The following ADAM32 variants were observed in gnomAD, a reference collection of about 807,000 sequenced individuals.
ADAM32 encodes the protein ADAM metallopeptidase domain 32, also known as disintegrin and metalloproteinase domain-containing protein 32.
ADAM32 carries 89 observed loss-of-function variants against 114.9 expected under a neutral mutation model. The observed-to-expected ratio is 0.77, with a 90% CI of 0.65 to 0.92. ADAM32 has a LOEUF of 0.92. Among genes scored for constraint, ADAM32 ranks in the 40% least tolerant of loss-of-function variants. The pLI, the probability that ADAM32 is intolerant of heterozygous loss-of-function variation, is 0.00. For synonymous variants in ADAM32, 285 were observed against 307.5 expected, an observed-to-expected ratio of 0.93 and a Z score of 0.77; for missense variants, 870 against 932.8, an observed-to-expected ratio of 0.93 and a Z score of 0.88.
intron 4 of ADAM32, 68 bp downstream of exon 4, chr8:39,147,273 T>A: frequency 1.6e-6 from 1 of 630,590 alleles, no homozygotes; most frequent in Non-Finnish European, 2.2e-6. Context: ...TGCTTTATTA[T>A]ACAGAAGGCT....
chr8:39,216,598 T>C (rs192560803), intron 12 of ADAM32, among the ~76,000 whole-genome samples: 122 of 152,128 alleles, frequency 8.0e-4, no homozygotes, highest in Non-Finnish European at 1.4e-3. Context: ...CTTTTTATTT[T>C]CTGTGTATCT....
intron 22 of ADAM32, among the ~76,000 whole-genome samples, chr8:39,278,668 CA>C (rs1230568394): frequency 1.3e-5 from 2 of 151,450 alleles, no homozygotes; most frequent in Non-Finnish European, 2.9e-5. Context: ...TTATTATAAT[CA>C]TTTTTATATT....
chr8:39,284,143 CTG>C (rs1813627044), intron 24 of ADAM32, among the ~76,000 whole-genome samples: 1 of 151,876 alleles, frequency 6.6e-6, no homozygotes, highest in South Asian at 2.1e-4. Context: ...ATAACTTAGT[CTG>C]TTTTTTTTCA....
chr8:39,204,785 G>C (rs1807707071), intron 11 of ADAM32, among the ~76,000 whole-genome samples: 1 of 152,180 alleles, frequency 6.6e-6, no homozygotes, highest in Non-Finnish European at 1.5e-5. Flanking sequence ...TTTGATAATG[G>C]TGACGTACAG....
At chr8:39,219,036 G>A (rs548238539) in intron 12 of ADAM32, among the ~76,000 whole-genome samples, 9 of 152,172 alleles carry the variant, frequency 5.9e-5, no homozygotes, top group African/African-American at 2.2e-4. Flanking sequence ...CTTCTGGCCA[G>A]GGTGTGTTTA....
intron 19 of ADAM32, among the ~76,000 whole-genome samples, chr8:39,263,020 C>T (rs139572206): frequency 4.1e-4 from 62 of 152,174 alleles, no homozygotes; most frequent in African/African-American, 1.2e-3. Flanking sequence ...GTTCTGTTTA[C>T]GATTCAGTCC....
At chr8:39,263,976 A>C (rs1812198459) in intron 19 of ADAM32, among the ~76,000 whole-genome samples, 2 of 152,214 alleles carry the variant, frequency 1.3e-5, no homozygotes, top group Non-Finnish European at 2.9e-5. Context: ...TTGAAAAGTA[A>C]CACCCATTAA....
intron 19 of ADAM32, among the ~76,000 whole-genome samples, chr8:39,260,108 GC>G (rs2129450831): frequency 6.6e-6 from 1 of 152,100 alleles, no homozygotes; most frequent in Non-Finnish European, 1.5e-5. Context: ...TTGATGATTT[GC>G]CTGATATATG....
chr8:39,139,416 A>G (rs957691606), intron 3 of ADAM32, among the ~76,000 whole-genome samples: 10 of 152,168 alleles, frequency 6.6e-5, no homozygotes, highest in Non-Finnish European at 1.0e-4. Context: ...TCCCAGCACC[A>G]TTTATTAAAT....
intron 1 of ADAM32, among the ~76,000 whole-genome samples, chr8:39,112,191 A>G (rs1564419610): frequency 6.6e-6 from 1 of 152,180 alleles, no homozygotes; most frequent in African/African-American, 2.4e-5. Flanking sequence ...TTCTCTAGAC[A>G]CTTAGATATA....
chr8:39,247,895 C>CT (rs148274969), intron 17 of ADAM32, among the ~76,000 whole-genome samples: 29 of 146,548 alleles, frequency 2.0e-4, no homozygotes, highest in East Asian at 1.2e-3. Flanking sequence ...TGTCTAGATT[C>CT]TTTTTTTTTT....
At chr8:39,274,069 T>C (rs914367194) in intron 20 of ADAM32, among the ~76,000 whole-genome samples, 8 of 152,194 alleles carry the variant, frequency 5.3e-5, no homozygotes, top group Non-Finnish European at 1.0e-4. Context: ...CAAATCTGTG[T>C]TTTTTGGATA....
chr8:39,188,439 T>A (rs1806393889), intron 11 of ADAM32, among the ~76,000 whole-genome samples: 1 of 152,138 alleles, frequency 6.6e-6, no homozygotes, highest in African/African-American at 2.4e-5. Flanking sequence ...AGAATAATTA[T>A]TTTGGGCTCA....
At position 39,274,276 on chromosome 8, in the gene ADAM32, T is replaced by C. The variant is rs182301786; in HGVS notation, c.2202-36T>C. On this transcript the variant is annotated intron_variant, in intron 20 of 24. Transcript: ENST00000379907. The stretch of plus-strand genomic sequence containing the variant: ...TCATGAAGTTGGCAAGTTTTCTTAG[T>C]ACTAACTTGAGACATTGCTTTCAAT... 824 of 1,609,620 alleles carry C rather than the reference T, an allele frequency of 5.1e-4. 3 individuals carry two copies. Among genetic ancestry groups the C allele is most frequent in the Middle Eastern group, 4.6e-3 (28 of 6,052 alleles).
Position 39,136,681 on chromosome 8 carries a change from A to G in ADAM32, c.163A>G (p.Ile55Val). 1 of 1,544,352 alleles carries G rather than the reference A, an allele frequency of 6.5e-7. No individual in the cohort carries two copies. Among genetic ancestry groups the G allele is most frequent in the Non-Finnish European group, 8.7e-7 (1 of 1,144,632 alleles). ...EYEQISYIIP[I>V]DEKLYTVHLK... Reference sequence around the variant, plus strand: ...GGAACAAATATCCTATATTATTCCAATAGATGAGAAACTGTACACTGTGCA... The same window carrying G: ...GGAACAAATATCCTATATTATTCCAGTAGATGAGAAACTGTACACTGTGCA... The change falls in exon 3 of 25, where the codon ATA (isoleucine) becomes GTA (valine). Residue 55 changes from isoleucine (I) to valine (V), a missense_variant. Transcript: ENST00000379907.
At chr8:39,252,237 C>T (rs1174670894) in intron 17 of ADAM32, among the ~76,000 whole-genome samples, 1 of 151,586 alleles carries the variant, frequency 6.6e-6, no homozygotes, top group Non-Finnish European at 1.5e-5. Context: ...AGAAGACTGA[C>T]ATCACTCCAA....
At chr8:39,219,169 C>T (rs1451836873) in intron 12 of ADAM32, among the ~76,000 whole-genome samples, 1 of 152,068 alleles carries the variant, frequency 6.6e-6, no homozygotes, top group African/African-American at 2.4e-5. Flanking sequence ...TCCCTTTTCT[C>T]TCAACCAGAA....
intron 2 of ADAM32, among the ~76,000 whole-genome samples, chr8:39,121,550 G>T (rs1017249938): frequency 2.0e-5 from 3 of 152,062 alleles, no homozygotes; most frequent in African/African-American, 7.2e-5. Context: ...GCATACCTAT[G>T]TAACAAACCT....
chr8:39,225,105 A>C (rs1809263748), intron 14 of ADAM32, among the ~76,000 whole-genome samples: 1 of 152,154 alleles, frequency 6.6e-6, no homozygotes, highest in Non-Finnish European at 1.5e-5. Context: ...CTTTCCTCCA[A>C]GAATCAGCTA....
Sources: gnomAD v4.1 joint callset for allele counts (sites outside exome capture counted in the v4.1 genomes callset) on GRCh38, gnomAD v4.1.1 for gene constraint, MANE v1.5 for transcripts, NCBI Gene and HGNC (gene_info 2026-07-23, HGNC 2026-07-21) for gene names.